Variants in PTPDC1 observed in about 807,000 individuals in gnomAD.
PTPDC1 encodes the protein protein tyrosine phosphatase domain containing 1, also known as protein tyrosine phosphatase domain-containing protein 1.
In PTPDC1, 53 loss-of-function variants were observed where a neutral mutation model predicts 75.3. The observed-to-expected ratio is 0.70, with a 90% CI of 0.56 to 0.88. The LOEUF (loss-of-function observed/expected upper bound fraction) is 0.88. Among genes scored for constraint, PTPDC1 ranks in the 40% least tolerant of loss-of-function variants. PTPDC1 has a pLI of 0.00. For synonymous variants in PTPDC1, 349 were observed against 366.2 expected, an observed-to-expected ratio of 0.95 and a Z score of 0.54; for missense variants, 925 against 998.6, an observed-to-expected ratio of 0.93 and a Z score of 0.99.
chr9:94,084,471 G>A lies in PTPDC1; in HGVS notation c.-60G>A. The A allele has an allele frequency of 6.3e-7, 1 of 1,593,014 alleles. No individual in the cohort carries two copies. The highest frequency in any genetic ancestry group is 8.5e-7 in the Non-Finnish European group (1 of 1,176,600). ...GCAATGCTCCCTGCTCTCAGTGAAA[G>A]TTCCTCACTGAGTGAGTGGGGCTGA... On this transcript the variant is annotated 5_prime_UTR_variant, in exon 1 of 9. Coordinates refer to ENST00000620992, the MANE Select transcript of PTPDC1 (RefSeq NM_001253829.2).
intron 1 of PTPDC1, among the ~76,000 whole-genome samples, chr9:94,055,028 T>C: frequency 6.6e-6 from 1 of 152,234 alleles, no homozygotes; most frequent in Non-Finnish European, 1.5e-5. Flanking sequence ...GGAGCTCCAT[T>C]CTATTTTGTA....
At chr9:94,083,898 A>G (rs1201272704), upstream of PTPDC1, among the ~76,000 whole-genome samples, 1 of 152,238 alleles carries the variant, frequency 6.6e-6, no homozygotes, top group East Asian at 1.9e-4. Context: ...CTGATAATAT[A>G]TCACCTCTAA....
At chr9:94,086,160 C>T (rs993509140) in intron 2 of PTPDC1, among the ~76,000 whole-genome samples, 2 of 152,184 alleles carry the variant, frequency 1.3e-5, no homozygotes, top group Non-Finnish European at 2.9e-5. Context: ...ATCCAGCTTA[C>T]AACCTGTACT....
intron 1 of PTPDC1, among the ~76,000 whole-genome samples, chr9:94,054,479 G>A (rs1825875362): frequency 6.6e-6 from 1 of 152,138 alleles, no homozygotes; most frequent in South Asian, 2.1e-4. Context: ...ATTAAAATGT[G>A]TTGGGATTTT....
chr9:94,075,839 A>T (rs900576540), intron 2 of PTPDC1, among the ~76,000 whole-genome samples: 1 of 152,182 alleles, frequency 6.6e-6, no homozygotes, highest in Non-Finnish European at 1.5e-5. Flanking sequence ...AACTTTTTTG[A>T]GGTATAATTA....
intron 7 of PTPDC1, among the ~76,000 whole-genome samples, chr9:94,103,948 G>C (rs1827930143): frequency 6.6e-6 from 1 of 152,116 alleles, no homozygotes; most frequent in East Asian, 1.9e-4. Flanking sequence ...CTAGACTACT[G>C]ACATATCCAG....
At position 94,098,132 on chromosome 9, in the gene PTPDC1, A is replaced by ATATC. The variant is rs1564034622; in HGVS notation, c.1566_1567insTATC (p.Asp523TyrfsTer3). The ATATC allele has an allele frequency of 1.9e-6, 3 of 1,614,142 alleles. No homozygotes were observed. Among genetic ancestry groups the ATATC allele is most frequent in the Non-Finnish European group, 2.5e-6 (3 of 1,180,050 alleles). On this transcript the variant is annotated frameshift_variant, in exon 6 of 9. Transcript: ENST00000620992. LOFTEE classifies it high-confidence loss of function. ...AGTTTGGAGGCCTGGAAGGACTCAAAGATAATGGGTCACCAATTTTCCATG... is the reference window on the plus strand; with the variant it reads ...AGTTTGGAGGCCTGGAAGGACTCAAATATCGATAATGGGTCACCAATTTTCCATG...
At chr9:94,034,374 A>T (rs961717345) in intron 1 of PTPDC1, among the ~76,000 whole-genome samples, 1 of 152,132 alleles carries the variant, frequency 6.6e-6, no homozygotes, top group African/African-American at 2.4e-5. Flanking sequence ...TCTACTAAAA[A>T]TACAAAAATT....
At chr9:94,079,680 A>G (rs1826812802), upstream of PTPDC1, among the ~76,000 whole-genome samples, 1 of 152,206 alleles carries the variant, frequency 6.6e-6, no homozygotes. Context: ...TGTTTCAGAT[A>G]AAGATAGTTT....
chr9:94,062,675 T>G (rs1189069394), intron 1 of PTPDC1, among the ~76,000 whole-genome samples: 1 of 152,066 alleles, frequency 6.6e-6, no homozygotes, highest in Non-Finnish European at 1.5e-5. Context: ...TCATGAGAAC[T>G]CTACCACAAC....
Position 94,051,188 on chromosome 9 carries a change from G to A in PTPDC1, c.-6-13546G>A, listed in dbSNP as rs534775726. Among the ~76,000 whole-genome samples the A allele has an allele frequency of 1.1e-4, 16 of 152,198 alleles. No individual in the cohort carries two copies. In the East Asian group the frequency reaches 1.2e-3, roughly 11 times the overall value. On this transcript the variant is annotated intron_variant, in intron 1 of 9. Transcript: ENST00000375360. ...GTGAGGTGATGCCTCGCCCTGCTTC[G>A]GCTCATGCTGGGTGCGCTGCACCCA... is the stretch of plus-strand genomic sequence containing the variant.
intron 2 of PTPDC1, among the ~76,000 whole-genome samples, chr9:94,078,131 T>G (rs1460233350): frequency 6.6e-6 from 1 of 152,198 alleles, no homozygotes; most frequent in African/African-American, 2.4e-5. Flanking sequence ...TTCACATGGA[T>G]TCACATTAGT....
At chr9:94,032,773 C>T (rs183291883) in intron 1 of PTPDC1, among the ~76,000 whole-genome samples, 32 of 152,254 alleles carry the variant, frequency 2.1e-4, no homozygotes, top group African/African-American at 7.7e-4. Flanking sequence ...CCTTGACCTC[C>T]TGTAGTGCTG....
At position 94,097,410 on chromosome 9, in the gene PTPDC1, A is replaced by T. The variant is rs143093313; in HGVS notation, c.844A>T (p.Ile282Leu). ...TGTGCGGGCAAAGCGACCCAATTCC[A>T]TACAAACCAGAGGACAGCTCCTCTG... The part of the protein sequence containing the change: ...IFVRAKRPNS[I>L]QTRGQLLCVR... Residue 282 changes from isoleucine to leucine, a missense_variant, in exon 6 of 9, where the codon ATA (isoleucine) becomes TTA (leucine). Transcript: ENST00000620992. 1.7e-4 allele frequency: 282 copies of T among 1,614,046 alleles called. No homozygotes were observed. The highest frequency in any genetic ancestry group is 2.3e-4 in the Non-Finnish European group (266 of 1,180,012).
rs940455165 is a variant in PTPDC1 at position 94,057,165 on chromosome 9, A to T, written c.-6-7569A>T. 2.9e-4 allele frequency among the ~76,000 whole-genome samples: 44 copies of T among 151,404 alleles called. 1 individual carries two copies. Among genetic ancestry groups the T allele is most frequent in the Admixed American group, 2.9e-3 (44 of 15,190 alleles). On this transcript the variant is annotated intron_variant, in intron 1 of 9. Coordinates refer to the PTPDC1 transcript ENST00000375360. ...ACAGCTCACCGAGGTTGCAGCCTCAACCTCCTAGGATCAGGTAATCCTCCC... is the reference window on the plus strand; with the variant it reads ...ACAGCTCACCGAGGTTGCAGCCTCATCCTCCTAGGATCAGGTAATCCTCCC...
chr9:94,104,165 C>T, intron 7 of PTPDC1, 110 bp from the exon 8 acceptor site: 1 of 589,792 alleles, frequency 1.7e-6, no homozygotes. Flanking sequence ...TGGCATTTGA[C>T]ATTATGAGTA....
At chr9:94,062,926 G>A (rs571887902) in intron 1 of PTPDC1, among the ~76,000 whole-genome samples, 36 of 152,292 alleles carry the variant, frequency 2.4e-4, no homozygotes, top group African/African-American at 7.5e-4. Flanking sequence ...GTTGTGTCAC[G>A]AGGGTACCTA....
chr9:94,064,737 A>G, exon 2 of PTPDC1: 1 of 1,611,398 alleles, frequency 6.2e-7, no homozygotes. Flanking sequence ...CCAACAGACT[A>G]CCATGGCTGC....
chr9:94,101,617 G>A lies in PTPDC1; in HGVS notation c.2065G>A (p.Asp689Asn). The change falls in exon 7 of 9, where the codon GAC (aspartate) becomes AAC (asparagine). Residue 689 changes from aspartate (D) to asparagine (N), a missense_variant. Coordinates refer to ENST00000620992, the MANE Select transcript of PTPDC1 (RefSeq NM_001253829.2). ...TTGGGAAAGAATATGTGGCGAGAGG[G>A]ACCCTTTCATCCTATGCAGCTTGAT... ...GAWERICGER[D>N]PFILCSLMWS... is the part of the protein sequence containing the mutation. 1 of 1,613,520 alleles carries A rather than the reference G, an allele frequency of 6.2e-7. No homozygotes were observed. The highest frequency in any genetic ancestry group is 2.2e-5 in the East Asian group (1 of 44,844).
Sources: allele counts gnomAD v4.1 joint callset (sites outside exome capture counted in the v4.1 genomes callset), GRCh38; gene constraint gnomAD v4.1.1; transcripts MANE v1.5; gene names NCBI Gene and HGNC (gene_info 2026-07-23, HGNC 2026-07-21).